The following RAPGEF2 variants were observed in gnomAD, a reference collection of about 807,000 sequenced individuals.
RAPGEF2 encodes the protein PDZ domain containing guanine nucleotide exchange factor (GEF) 1.
A neutral mutation model predicts 186.7 loss-of-function variants in RAPGEF2; 54 were observed. That is an observed-to-expected ratio of 0.29 (90% CI 0.23 to 0.36). RAPGEF2 has a LOEUF of 0.36. Ranked by LOEUF, RAPGEF2 falls within the 10% of genes least tolerant of loss-of-function variation. The pLI, the probability that RAPGEF2 is intolerant of heterozygous loss-of-function variation, is 1.00. For synonymous variants in RAPGEF2, 712 were observed against 705.9 expected (o/e 1.01, Z -0.14); for missense variants, 1,532 against 2,045.0 (o/e 0.75, Z 4.84).
intron 1 of RAPGEF2, among the ~76,000 whole-genome samples, chr4:159,165,516 T>G (rs1745209325): frequency 6.6e-6 from 1 of 152,244 alleles, no homozygotes; most frequent in South Asian, 2.1e-4. Context: ...GTTTTTGAAG[T>G]CAGGTTATCA....
At position 159,355,887 on chromosome 4, in the gene RAPGEF2, C is replaced by T. The variant is rs1386001997; in HGVS notation, c.4686C>T (p.Pro1562=). The change falls in exon 29 of 30, where the codon CCC becomes CCT. Residue 1562 remains proline (P), a synonymous_variant. Coordinates refer to ENST00000691494, the MANE Select transcript of RAPGEF2 (RefSeq NM_001394067.2). ...AGGGCAGGTATCGAGAGCCCCCGCCCACCCCTCCCGGCTACATTGGAATTC... is the reference window on the plus strand; with the variant it reads ...AGGGCAGGTATCGAGAGCCCCCGCCTACCCCTCCCGGCTACATTGGAATTC... ...RKEGRYREPP[P]TPPGYIGIPI... is the part of the protein sequence containing the mutation. 1.9e-6 allele frequency: 3 copies of T among 1,543,214 alleles called. No homozygotes were observed. Among genetic ancestry groups the T allele is most frequent in the Non-Finnish European group, 2.6e-6 (3 of 1,139,600 alleles).
intron 1 of RAPGEF2, among the ~76,000 whole-genome samples, chr4:159,108,984 G>A (rs890933993): frequency 1.3e-5 from 2 of 152,126 alleles, no homozygotes; most frequent in African/African-American, 4.8e-5. Flanking sequence ...CTCCCAAAGT[G>A]CTGGGATTAC....
chr4:159,123,211 G>A (rs960816604), intron 1 of RAPGEF2, among the ~76,000 whole-genome samples: 1 of 152,156 alleles, frequency 6.6e-6, no homozygotes, highest in Non-Finnish European at 1.5e-5. Context: ...AGGGGTTGGC[G>A]CCTCTAATAT....
At chr4:159,113,293 G>A (rs1018294519) in intron 1 of RAPGEF2, among the ~76,000 whole-genome samples, 1 of 152,076 alleles carries the variant, frequency 6.6e-6, no homozygotes, top group South Asian at 2.1e-4. Context: ...GCTAAATTAC[G>A]GGAAGCTGGG....
chr4:159,150,547 A>G (rs2111189604), intron 1 of RAPGEF2, among the ~76,000 whole-genome samples: 1 of 152,316 alleles, frequency 6.6e-6, no homozygotes, highest in Middle Eastern at 3.4e-3. Context: ...GAGAACACAC[A>G]AGAATGGGAA....
intron 1 of RAPGEF2, among the ~76,000 whole-genome samples, chr4:159,183,153 A>G (rs1010302375): frequency 6.6e-6 from 1 of 152,234 alleles, no homozygotes; most frequent in Non-Finnish European, 1.5e-5. Flanking sequence ...TGGAACACTC[A>G]CAATTCACAG....
intron 7 of RAPGEF2, among the ~76,000 whole-genome samples, chr4:159,289,563 A>G (rs1760931466): frequency 6.6e-6 from 1 of 152,166 alleles, no homozygotes; most frequent in African/African-American, 2.4e-5. Flanking sequence ...CTTCTACTTT[A>G]AACTAGGTAG....
At chr4:159,347,715 G>T (rs1245219642) in intron 25 of RAPGEF2, among the ~76,000 whole-genome samples, 2 of 152,152 alleles carry the variant, frequency 1.3e-5, no homozygotes, top group Non-Finnish European at 2.9e-5. Context: ...ACCCGGGAGG[G>T]GGAGCTTGCA....
rs761970722 is a variant in RAPGEF2 at position 159,343,150 on chromosome 4, A to C, written c.3090A>C (p.Leu1030=). ...ATCTACAACCTCCCATAATCCCTCT[A>C]TTCCCAGTTATCAAAAAGGATCTCA... ...SQNLQPPIIP[L]FPVIKKDLTF... The change falls in exon 21 of 30, where the codon CTA becomes CTC. Residue 1030 remains leucine (L), a synonymous_variant. Transcript: ENST00000691494. 1.2e-6 allele frequency: 2 copies of C among 1,614,112 alleles called. No homozygotes were observed. Among genetic ancestry groups the C allele is most frequent in the South Asian group, 2.2e-5 (2 of 91,080 alleles).
chr4:159,298,312 G>A (rs1015869874), intron 7 of RAPGEF2, among the ~76,000 whole-genome samples: 3 of 152,082 alleles, frequency 2.0e-5, no homozygotes, highest in African/African-American at 7.2e-5. Flanking sequence ...ATACTGATCT[G>A]ATATATGAAG....
chr4:159,179,598 G>A (rs1439916450), intron 1 of RAPGEF2, among the ~76,000 whole-genome samples: 1 of 152,086 alleles, frequency 6.6e-6, no homozygotes, highest in Non-Finnish European at 1.5e-5. Flanking sequence ...TTGCCTTTCT[G>A]TTTTTTTGCT....
intron 7 of RAPGEF2, among the ~76,000 whole-genome samples, chr4:159,272,009 T>G (rs537587225): frequency 6.6e-6 from 1 of 152,324 alleles, no homozygotes; most frequent in South Asian, 2.1e-4. Context: ...TCTTTAAACA[T>G]ACGCTCCATG....
intron 1 of RAPGEF2, among the ~76,000 whole-genome samples, chr4:159,124,701 G>T (rs866966243): frequency 4.0e-4 from 61 of 152,160 alleles, no homozygotes; most frequent in African/African-American, 1.3e-3. Context: ...GTCTGTTTTG[G>T]TTATTTTTTC....
intron 1 of RAPGEF2, among the ~76,000 whole-genome samples, chr4:159,176,088 T>C (rs1486026378): frequency 6.6e-6 from 1 of 152,188 alleles, no homozygotes; most frequent in Non-Finnish European, 1.5e-5. Flanking sequence ...AAAGGAAGTG[T>C]TCACTGCCAG....
intron 7 of RAPGEF2, among the ~76,000 whole-genome samples, chr4:159,263,824 A>G (rs1757141221): frequency 6.6e-6 from 1 of 152,014 alleles, no homozygotes; most frequent in African/African-American, 2.4e-5. Flanking sequence ...TTTAGGTGGA[A>G]AAAAAAAGAA....
At chr4:159,251,754 C>G (rs1755434347) in intron 7 of RAPGEF2, among the ~76,000 whole-genome samples, 1 of 151,848 alleles carries the variant, frequency 6.6e-6, no homozygotes, top group Admixed American at 6.6e-5. Context: ...GGCCAATCAG[C>G]TGTCTGTAAA....
intron 19 of RAPGEF2, 79 bp downstream of exon 19, chr4:159,339,433 A>C (rs1248302877): frequency 1.3e-6 from 2 of 1,497,778 alleles, no homozygotes; most frequent in Non-Finnish European, 1.8e-6. Context: ...AGCAATTTTC[A>C]AAGTGTTTTT....
intron 1 of RAPGEF2, among the ~76,000 whole-genome samples, chr4:159,176,627 A>C (rs1746475757): frequency 6.6e-6 from 1 of 152,148 alleles, no homozygotes; most frequent in South Asian, 2.1e-4. Context: ...ACAAAATTTT[A>C]ATTTGTTTTC....
rs139736108 is a variant in RAPGEF2, at chr4:159,229,730, T to C, written c.282-9079T>C. On this transcript the variant is annotated intron_variant, in intron 4 of 29. Coordinates refer to ENST00000691494, the MANE Select transcript of RAPGEF2 (RefSeq NM_001394067.2). ...ACAATTTTAATTCTTAATTTTTAAATTGTTTTGTATAAAAACTTCAGCAAA... is the reference window on the plus strand; with the variant it reads ...ACAATTTTAATTCTTAATTTTTAAACTGTTTTGTATAAAAACTTCAGCAAA... 3.3e-3 allele frequency among the ~76,000 whole-genome samples: 497 copies of C among 152,342 alleles called. 5 individuals carry two copies. Among genetic ancestry groups the C allele is most frequent in the African/African-American group, 0.012 (481 of 41,572 alleles).
Sources: gnomAD v4.1 joint callset for allele counts (sites outside exome capture counted in the v4.1 genomes callset) on GRCh38, gnomAD v4.1.1 for gene constraint, MANE v1.5 for transcripts, NCBI Gene and HGNC (gene_info 2026-07-23, HGNC 2026-07-21) for gene names.